SCN10A: variants seen among roughly 807,000 people sequenced by gnomAD.
SCN10A encodes sodium voltage-gated channel alpha subunit 10, also known as sodium channel protein type 10 subunit alpha.
A neutral mutation model predicts 170.7 loss-of-function variants in SCN10A; 162 were observed. The observed-to-expected ratio is 0.95, with a 90% CI of 0.84 to 1.08. The LOEUF (loss-of-function observed/expected upper bound fraction) is 1.08. Ranked by LOEUF, SCN10A falls within the 50% of genes least tolerant of loss-of-function variation. The pLI, the probability that SCN10A is intolerant of heterozygous loss-of-function variation, is 0.00. For synonymous variants in SCN10A, 985 were observed against 904.6 expected, an observed-to-expected ratio of 1.09 and a Z score of -1.59; for missense variants, 2,527 against 2,436.9, an observed-to-expected ratio of 1.04 and a Z score of -0.78.
intron 1 of SCN10A, among the ~76,000 whole-genome samples, chr3:38,801,744 G>A (rs573919202): frequency 1.6e-4 from 24 of 152,256 alleles, no homozygotes; most frequent in African/African-American, 5.5e-4. Flanking sequence ...TGGATAAACA[G>A]GTAATTATAG....
chr3:38,805,732 C>T (rs898297364), intron 1 of SCN10A, among the ~76,000 whole-genome samples: 6 of 152,122 alleles, frequency 3.9e-5, no homozygotes, highest in African/African-American at 4.8e-5. Flanking sequence ...CCTGCCCAGT[C>T]CTTCGAGACC....
At position 38,741,329 on chromosome 3, in the gene SCN10A, T is replaced by A. The variant is rs184460575; in HGVS notation, c.2106+962A>T. Among the ~76,000 whole-genome samples, 13 of 144,636 alleles carry A rather than the reference T, an allele frequency of 9.0e-5. No individual in the cohort carries two copies. The East Asian group carries it at 2.3e-3, about 26-fold the overall frequency. The allele number at this position is 144,636 out of a possible 152,430, so 94.9% of individuals were successfully genotyped here. ...ACACACACACACACACACACGCAAG[T>A]CTTGTGAGGTGGCTTAATTCAGGGG... On this transcript the variant is annotated intron_variant, in intron 14 of 27. Coordinates refer to ENST00000449082, the MANE Select transcript of SCN10A (RefSeq NM_006514.4).
At chr3:38,716,368 A>G (rs1425989274) in intron 21 of SCN10A, among the ~76,000 whole-genome samples, 1 of 152,054 alleles carries the variant, frequency 6.6e-6, no homozygotes, top group Non-Finnish European at 1.5e-5. Flanking sequence ...TGCTGTTCTC[A>G]TGATAGTGAA....
intron 26 of SCN10A, among the ~76,000 whole-genome samples, chr3:38,704,551 G>T (rs78425552): frequency 0.044 from 6,685 of 152,244 alleles, 255 homozygotes; most frequent in East Asian, 0.082. Context: ...ACGATGAAGT[G>T]GGTGATTGAT....
intron 27 of SCN10A, among the ~76,000 whole-genome samples, chr3:38,699,997 G>A (rs1198099939): frequency 6.6e-6 from 1 of 152,140 alleles, no homozygotes; most frequent in East Asian, 1.9e-4. Flanking sequence ...CCCCATCATA[G>A]AACTAAGTAC....
chr3:38,763,249 C>T (rs903868324), intron 6 of SCN10A, among the ~76,000 whole-genome samples: 7 of 152,122 alleles, frequency 4.6e-5, no homozygotes, highest in Admixed American at 1.3e-4. Context: ...CCTCCTGTTA[C>T]GTATTGATTG....
intron 4 of SCN10A, among the ~76,000 whole-genome samples, chr3:38,780,470 G>A (rs1237614297): frequency 6.6e-6 from 1 of 152,038 alleles, no homozygotes; most frequent in Non-Finnish European, 1.5e-5. Flanking sequence ...TGACATGACA[G>A]ATTTGCTTAG....
chr3:38,701,885 A>G lies in SCN10A; in HGVS notation c.4611T>C (p.Asn1537=). ...CAATGAAGTCAAACACATTCCAGCC[A>G]TTTGTGAAGTAGTACTGCCTCAAAG... ...MFALRQYYFT[N]GWNVFDFIVV... Residue 1537 remains asparagine (N), a synonymous_variant, in exon 27 of 28, where the codon AAT becomes AAC. Transcript: ENST00000449082. The G allele has an allele frequency of 6.2e-7, 1 of 1,613,804 alleles. No individual in the cohort carries two copies. Among genetic ancestry groups the G allele is most frequent in the Non-Finnish European group, 8.5e-7 (1 of 1,179,896 alleles).
intron 18 of SCN10A, among the ~76,000 whole-genome samples, chr3:38,724,694 A>G (rs904156427): frequency 6.6e-6 from 1 of 152,224 alleles, no homozygotes; most frequent in Non-Finnish European, 1.5e-5. Context: ...TGGCTCTGAA[A>G]GATATTTGAC....
At chr3:38,785,426 C>T (rs912389997) in intron 4 of SCN10A, among the ~76,000 whole-genome samples, 2 of 152,114 alleles carry the variant, frequency 1.3e-5, no homozygotes, top group African/African-American at 2.4e-5. Context: ...ACTGGCTAGC[C>T]TTAGGCAGAA....
intron 1 of SCN10A, among the ~76,000 whole-genome samples, chr3:38,815,021 T>C (rs2064463197): frequency 6.6e-6 from 1 of 152,236 alleles, no homozygotes; most frequent in Admixed American, 6.5e-5. Flanking sequence ...GTTTTCTCTT[T>C]TCTGGCACAA....
At chr3:38,746,063 G>A (rs12633214) in intron 13 of SCN10A, among the ~76,000 whole-genome samples, 13 of 61,664 alleles carry the variant, frequency 2.1e-4, no homozygotes, top group East Asian at 5.2e-4. Context: ...GTGTGTATGT[G>A]TATATATATA....
In SCN10A at chr3:38,722,363, T is replaced by C; in HGVS notation, c.3402A>G (p.Pro1134=). The part of the protein sequence containing the change: ...PCCKLDTTKS[P]WDVGWQVRKT... ...TGCGCACCTGCCAGCCCACATCCCA[T>C]GGACTCTTGGTGGTATCCAGTTTGC... is the stretch of plus-strand genomic sequence containing the variant. The change falls in exon 20 of 28, where the codon CCA becomes CCG. Residue 1134 remains proline, a synonymous_variant. Transcript: ENST00000449082. 1 of 1,614,106 alleles carries C rather than the reference T, an allele frequency of 6.2e-7. No individual in the cohort carries two copies. Among genetic ancestry groups the C allele is most frequent in the Non-Finnish European group, 8.5e-7 (1 of 1,179,998 alleles).
intron 23 of SCN10A, among the ~76,000 whole-genome samples, chr3:38,711,637 T>C (rs972738357): frequency 6.6e-6 from 1 of 152,158 alleles, no homozygotes; most frequent in African/African-American, 2.4e-5. Context: ...ATGACAAATG[T>C]ATAAGTAATT....
In SCN10A at chr3:38,795,335, CTTTTTCTTTTTCTT is replaced by C. The variant is rs1289543080; in HGVS notation, c.-32-1307_-32-1294del. On this transcript the variant is annotated intron_variant, in intron 1 of 27. Transcript: ENST00000449082. The stretch of plus-strand genomic sequence containing the variant: ...CAGTTCTTGTCTTTTTTGTTTTTTT[CTTTTTCTTTTTCTT>C]TTTTTTTTTTTGAGACAGGGTATCA... 4.7e-3 allele frequency among the ~76,000 whole-genome samples: 672 copies of C among 141,518 alleles called. 8 individuals are homozygous for C. Among genetic ancestry groups the C allele is most frequent in the African/African-American group, 0.017 (637 of 37,510 alleles). 92.8% of individuals were successfully genotyped at this position (141,518 alleles called of 152,430 possible). A position where few individuals can be genotyped will look rare whatever the true frequency, so the allele number is the denominator to read the frequency against.
At chr3:38,802,010 C>T (rs776207309) in intron 1 of SCN10A, among the ~76,000 whole-genome samples, 17 of 152,222 alleles carry the variant, frequency 1.1e-4, no homozygotes, top group Non-Finnish European at 1.8e-4. Context: ...TCTTCCTCCA[C>T]CAAAATCAAG....
chr3:38,763,521 T>C lies in SCN10A; in HGVS notation c.675A>G (p.Thr225=). The C allele has an allele frequency of 6.2e-7, 1 of 1,613,828 alleles. No individual in the cohort carries two copies. The highest frequency in any genetic ancestry group is 8.5e-7 in the Non-Finnish European group (1 of 1,179,694). Residue 225 remains threonine, a synonymous_variant, in exon 6 of 28, where the codon ACA becomes ACG. Transcript: ENST00000449082. ...RTFRVLRALK[T]VSVIPGLKVI... ...AATGCTCACCTGGGATCACAGAAACTGTTTTTAATGCTCTAAGAACTCTGA... is the reference window on the plus strand; with the variant it reads ...AATGCTCACCTGGGATCACAGAAACCGTTTTTAATGCTCTAAGAACTCTGA...
intron 4 of SCN10A, 136 bp downstream of exon 4, chr3:38,788,820 C>T: frequency 1.7e-6 from 1 of 600,848 alleles, no homozygotes. Context: ...CTGGTTATTA[C>T]AAAGACATAT....
chr3:38,790,121 A>G (rs905256167), intron 3 of SCN10A, among the ~76,000 whole-genome samples: 3 of 152,170 alleles, frequency 2.0e-5, no homozygotes, highest in Admixed American at 6.5e-5. Flanking sequence ...ATTAAGAAAT[A>G]TGCTCACATG....
Sources: gnomAD v4.1 joint callset for allele counts (sites outside exome capture counted in the v4.1 genomes callset) on GRCh38, gnomAD v4.1.1 for gene constraint, MANE v1.5 for transcripts, NCBI Gene and HGNC (gene_info 2026-07-23, HGNC 2026-07-21) for gene names.